The following PIEZO2 variants were observed in gnomAD, a reference collection of about 807,000 sequenced individuals.
The protein encoded by PIEZO2 is piezo-type mechanosensitive ion channel component 2.
Under a neutral mutation model 337.3 loss-of-function variants are expected in PIEZO2, and 172 were observed. The observed-to-expected ratio is 0.51, with a 90% CI of 0.45 to 0.58. PIEZO2 has a LOEUF of 0.58. Ranked by LOEUF, PIEZO2 falls within the 20% of genes least tolerant of loss-of-function variation. PIEZO2 has a pLI of 0.00. For synonymous variants in PIEZO2, 1,251 were observed against 1,228.5 expected (o/e 1.02, Z -0.38); for missense variants, 3,028 against 3,391.3 (o/e 0.89, Z 2.66).
rs2035067693 is a variant in PIEZO2 at position 10,696,068 on chromosome 18, C to A, written c.7190+6G>T. 5.6e-6 allele frequency: 9 copies of A among 1,611,306 alleles called. No homozygotes were observed. Among genetic ancestry groups the A allele is most frequent in the Non-Finnish European group, 7.6e-6 (9 of 1,177,462 alleles). On this transcript the variant is annotated splice_donor_region_variant and intron_variant, in intron 47 of 55. Coordinates refer to ENST00000674853, the MANE Select transcript of PIEZO2 (RefSeq NM_001378183.1). ...GGTTGGTGCCTCTGGCTTCTGAAGA[C>A]CTTACCTCTCAGTCACACCAGGTAA...
In PIEZO2 at chr18:10,833,961, A is replaced by G. The variant is rs959146670; in HGVS notation, c.917+21392T>C. Reference sequence around the variant, plus strand: ...CCATGCAGTAGAAGAGCAGAATAGGAGAGTGATTTAGAATACAGGCTTCAG... The same window carrying G: ...CCATGCAGTAGAAGAGCAGAATAGGGGAGTGATTTAGAATACAGGCTTCAG... On this transcript the variant is annotated intron_variant, in intron 7 of 55. Transcript: ENST00000674853. This position sits in a 1 kb window ranked among gnomAD's most constrained non-coding sequence, Gnocchi z 4.7. Among the ~76,000 whole-genome samples the G allele has an allele frequency of 6.6e-6, 1 of 152,242 alleles. No individual in the cohort carries two copies. Among genetic ancestry groups the G allele is most frequent in the Non-Finnish European group, 1.5e-5 (1 of 68,042 alleles).
At chr18:10,841,335 G>A (rs1278048484) in intron 7 of PIEZO2, among the ~76,000 whole-genome samples, 2 of 152,064 alleles carry the variant, frequency 1.3e-5, no homozygotes, top group Non-Finnish European at 2.9e-5. Flanking sequence ...CCTGGTGCTG[G>A]GAGGGAAACC....
At position 10,962,594 on chromosome 18, in the gene PIEZO2, G is replaced by C. The variant is rs538396132; in HGVS notation, c.286+16941C>G. 6.6e-6 allele frequency among the ~76,000 whole-genome samples: 1 copy of C among 152,098 alleles called. No individual in the cohort carries two copies. Among genetic ancestry groups the C allele is most frequent in the Non-Finnish European group, 1.5e-5 (1 of 68,006 alleles). On this transcript the variant is annotated intron_variant, in intron 3 of 55. Transcript: ENST00000674853. This position sits in a 1 kb window ranked among gnomAD's most constrained non-coding sequence, Gnocchi z 4.1. Reference sequence around the variant, plus strand: ...ATGTTGCTCTAGACCAGGCATTTTTGCCTCATTCAGCTGTGCTACATTGCC... The same window carrying C: ...ATGTTGCTCTAGACCAGGCATTTTTCCCTCATTCAGCTGTGCTACATTGCC...
At chr18:11,090,268 GAAAT>G (rs1169168826) in intron 1 of PIEZO2, among the ~76,000 whole-genome samples, 4 of 151,698 alleles carry the variant, frequency 2.6e-5, no homozygotes, top group Admixed American at 6.6e-5. Flanking sequence ...TGACAAGAAA[GAAAT>G]AAAAGAGAGA....
At chr18:10,731,750 T>TA (rs1368621989) in intron 35 of PIEZO2, among the ~76,000 whole-genome samples, 7 of 152,110 alleles carry the variant, frequency 4.6e-5, no homozygotes, top group African/African-American at 1.7e-4. Flanking sequence ...AAACTTTGGG[T>TA]ACACCAAATA....
At chr18:11,051,345 A>ATGTGTG (rs144159846) in intron 2 of PIEZO2, among the ~76,000 whole-genome samples, 9,953 of 146,808 alleles carry the variant, frequency 0.068, 425 homozygotes, top group African/African-American at 0.12. Context: ...ATCACTTAGG[A>ATGTGTG]TGTGTGTGTG....
rs1378695024 is a variant in PIEZO2 at position 10,803,975 on chromosome 18, T to G, written c.1100A>C (p.Lys367Thr). 2 of 1,537,366 alleles carry G rather than the reference T, an allele frequency of 1.3e-6. No homozygotes were observed. Among genetic ancestry groups the G allele is most frequent in the South Asian group, 2.4e-5 (2 of 84,054 alleles). The change falls in exon 9 of 56, where the codon AAA becomes ACA. Residue 367 changes from lysine (K) to threonine (T), a missense_variant. By Grantham distance (78) the Lys-to-Thr change is moderately conservative (BLOSUM62 -1). Coordinates refer to ENST00000674853, the MANE Select transcript of PIEZO2 (RefSeq NM_001378183.1). The stretch of plus-strand genomic sequence containing the variant: ...ACAAGCCAGGGCTTTGTCCTCTTCT[T>G]TGGTCCCCTCATCCTGCACCTGAAA... Reference protein sequence around the residue: ...QEPLVQDEGTKEEDKALACSP... With the variant: ...QEPLVQDEGTTEEDKALACSP...
In PIEZO2 at chr18:11,111,300, C is replaced by T. The variant is rs1336818452; in HGVS notation, c.64+37225G>A. ...CCCATCCCTTTCAACAGTGGTATAG[C>T]CTGCAATCTCCTCTATTTAAACCCT... On this transcript the variant is annotated intron_variant, in intron 1 of 55. Coordinates refer to ENST00000674853, the MANE Select transcript of PIEZO2 (RefSeq NM_001378183.1). This position sits in a 1 kb window ranked among gnomAD's most constrained non-coding sequence, Gnocchi z 6.2. Among the ~76,000 whole-genome samples the T allele has an allele frequency of 6.6e-6, 1 of 152,182 alleles. No homozygotes were observed. The highest frequency in any genetic ancestry group is 1.5e-5 in the Non-Finnish European group (1 of 68,020).
At chr18:11,073,885 C>T (rs1430044608) in intron 1 of PIEZO2, among the ~76,000 whole-genome samples, 3 of 144,128 alleles carry the variant, frequency 2.1e-5, no homozygotes, top group Admixed American at 1.5e-4. Context: ...CTGGCTCTGT[C>T]GCCCAGGCTG....
Position 10,787,201 on chromosome 18 carries a change from GA to G in PIEZO2, c.2170-18del, listed in dbSNP as rs11468237. On this transcript the variant is annotated intron_variant, in intron 15 of 55. Transcript: ENST00000674853. ...ATAGTGCACCTGCAAATCAGACATTGAAAAAAAAAAATGAGAAAAAATCACT... is the reference window on the plus strand; with the variant it reads ...ATAGTGCACCTGCAAATCAGACATTGAAAAAAAAAATGAGAAAAAATCACT... The G allele has an allele frequency of 0.046, 60,434 of 1,321,384 alleles. 1,301 individuals are homozygous for G. The highest frequency in any genetic ancestry group is 0.16 in the African/African-American group (9,856 of 63,582). 81.9% of individuals were successfully genotyped at this position (1,321,384 alleles called of 1,614,324 possible).
chr18:10,787,198 AT>A lies in PIEZO2; in HGVS notation c.2170-15del, dbSNP rs1232520713. 9.5e-6 allele frequency: 14 copies of A among 1,468,452 alleles called. No individual in the cohort carries two copies. Among genetic ancestry groups the A allele is most frequent in the Non-Finnish European group, 1.1e-5 (12 of 1,118,690 alleles). 91.0% of individuals were successfully genotyped at this position (1,468,452 alleles called of 1,614,324 possible). ...TTCATAGTGCACCTGCAAATCAGAC[AT>A]TGAAAAAAAAAAATGAGAAAAAATC... On this transcript the variant is annotated splice_polypyrimidine_tract_variant and intron_variant, in intron 15 of 55. Transcript: ENST00000674853.
chr18:10,692,142 G>C (rs2034876669), intron 47 of PIEZO2, among the ~76,000 whole-genome samples: 1 of 151,680 alleles, frequency 6.6e-6, no homozygotes, highest in Non-Finnish European at 1.5e-5. Flanking sequence ...GTACAGTTCA[G>C]GACTGCTAGC....
chr18:11,018,137 C>A (rs2036180989), intron 2 of PIEZO2, among the ~76,000 whole-genome samples: 1 of 151,774 alleles, frequency 6.6e-6, no homozygotes, highest in South Asian at 2.1e-4. Context: ...GCCGGTCATC[C>A]ACAGTGGTCC....
intron 1 of PIEZO2, among the ~76,000 whole-genome samples, chr18:11,066,848 C>T (rs2038170969): frequency 6.6e-6 from 1 of 152,208 alleles, no homozygotes; most frequent in East Asian, 1.9e-4. Flanking sequence ...AATCTGCCCA[C>T]CTCAGCCTCC....
At chr18:11,007,327 A>G (rs2035756948) in intron 2 of PIEZO2, among the ~76,000 whole-genome samples, 5 of 152,250 alleles carry the variant, frequency 3.3e-5, no homozygotes, top group Admixed American at 3.3e-4. Context: ...TCTCTTTTCT[A>G]GCATAAAATA....
rs2036812371 is a variant in PIEZO2, at chr18:11,033,499, C to A, written c.160+32628G>T. Among the ~76,000 whole-genome samples the A allele has an allele frequency of 6.6e-6, 1 of 152,154 alleles. No homozygotes were observed. The highest frequency in any genetic ancestry group is 6.5e-5 in the Admixed American group (1 of 15,282). ...TTGATTTAGAGAAAGTGACATTTTG[C>A]CATGTTTTTTACAGAATTGCCTCCA... On this transcript the variant is annotated intron_variant, in intron 2 of 55. Coordinates refer to ENST00000674853, the MANE Select transcript of PIEZO2 (RefSeq NM_001378183.1). This position sits in a 1 kb window ranked among gnomAD's most constrained non-coding sequence, Gnocchi z 4.2.
rs1598590153 is a variant in PIEZO2, at chr18:10,856,762, A to T, written c.703+239T>A. 1.3e-5 allele frequency among the ~76,000 whole-genome samples: 2 copies of T among 152,360 alleles called. No individual in the cohort carries two copies. The highest frequency in any genetic ancestry group is 3.9e-4 in the East Asian group (2 of 5,186). The stretch of plus-strand genomic sequence containing the variant: ...GAAAATGGAGTCGCTTAGCATATAT[A>T]GAAAAAGATTATTTTGCAGAGGTTA... On this transcript the variant is annotated intron_variant, in intron 6 of 55. Transcript: ENST00000674853. This position sits in a 1 kb window ranked among gnomAD's most constrained non-coding sequence, Gnocchi z 4.7.
intron 24 of PIEZO2, 106 bp from the exon 25 acceptor site, chr18:10,760,015 G>A (rs749493072): frequency 4.1e-6 from 4 of 967,188 alleles, no homozygotes; most frequent in Non-Finnish European, 6.2e-6. Context: ...ATGTCCCTCA[G>A]GGCAAGTCTG....
chr18:11,043,412 A>T (rs117669930), intron 2 of PIEZO2, among the ~76,000 whole-genome samples: 1 of 152,220 alleles, frequency 6.6e-6, no homozygotes. Flanking sequence ...GTATGCTAAA[A>T]ATTACTTGTT....
Sources: gnomAD v4.1 joint callset for allele counts (sites outside exome capture counted in the v4.1 genomes callset) on GRCh38, gnomAD v4.1.1 for gene constraint, Gnocchi (gnomAD v3.1) non-coding constraint, MANE v1.5 for transcripts, NCBI Gene and HGNC (gene_info 2026-07-23, HGNC 2026-07-21) for gene names.